Variants in CEP120 observed in about 807,000 individuals in gnomAD.
CEP120 encodes centrosomal protein 120.
Under a neutral mutation model 126.5 loss-of-function variants are expected in CEP120, and 113 were observed. That is an observed-to-expected ratio of 0.89 (90% CI 0.77 to 1.04). The LOEUF is 1.04. Ranked by LOEUF, CEP120 falls within the 50% of genes least tolerant of loss-of-function variation. The pLI, the probability that CEP120 is intolerant of heterozygous loss-of-function variation, is 0.00. For missense variants in CEP120, 1,230 were observed against 1,155.7 expected (o/e 1.06, Z -0.93); for synonymous variants, 400 against 394.3 (o/e 1.01, Z -0.17).
At chr5:123,404,011 A>G (rs943471507) in intron 4 of CEP120, among the ~76,000 whole-genome samples, 3 of 152,216 alleles carry the variant, frequency 2.0e-5, no homozygotes, top group African/African-American at 7.2e-5. Context: ...CATTAATGTA[A>G]TAAGGTTACA....
At chr5:123,404,812 C>T (rs1295599728) in intron 4 of CEP120, among the ~76,000 whole-genome samples, 1 of 152,174 alleles carries the variant, frequency 6.6e-6, no homozygotes, top group Non-Finnish European at 1.5e-5. Flanking sequence ...AGTAGAATAT[C>T]AATTGTATGA....
intron 16 of CEP120, 78 bp from the exon 17 acceptor site, chr5:123,372,850 C>G: frequency 8.4e-7 from 1 of 1,189,454 alleles, no homozygotes; most frequent in South Asian, 1.5e-5. Flanking sequence ...TCAACAAGGT[C>G]TTTTTTTTTA....
Position 123,399,236 on chromosome 5 carries a change from A to G in CEP120, c.512T>C (p.Leu171Pro). Residue 171 changes from leucine to proline, a missense_variant, in exon 5 of 20, where the codon CTG (leucine) becomes CCG (proline). Coordinates refer to ENST00000306467, the MANE Select transcript of CEP120 (RefSeq NM_001375405.1). ...CTGATGGTAGCCTCCCTCTTCATTCAGCACAGCCACAATGTCCCTGGGGTC... is the reference window on the plus strand; with the variant it reads ...CTGATGGTAGCCTCCCTCTTCATTCGGCACAGCCACAATGTCCCTGGGGTC... ...GLDPRDIVAV[L>P]NEEGGYHQIG... The G allele has an allele frequency of 1.9e-6, 3 of 1,614,180 alleles. No individual in the cohort carries two copies. Among genetic ancestry groups the G allele is most frequent in the Non-Finnish European group, 2.5e-6 (3 of 1,179,986 alleles).
chr5:123,396,501 T>C (rs1399309043), intron 5 of CEP120, among the ~76,000 whole-genome samples: 3 of 152,164 alleles, frequency 2.0e-5, no homozygotes, highest in Non-Finnish European at 2.9e-5. Flanking sequence ...CTGTATTATA[T>C]TGGTTTTTAA....
rs1768772593 is a variant in CEP120, at chr5:123,345,786, A to AAAAT, written c.*729_*732dup. 6.6e-6 allele frequency: 1 copy of AAAAT among 152,180 alleles called. No individual in the cohort carries two copies. Among genetic ancestry groups the AAAAT allele is most frequent in the African/African-American group, 2.4e-5 (1 of 41,448 alleles). The allele number at this position is 152,180 out of a possible 1,614,324, so 9.4% of individuals were successfully genotyped here. ...TGACAGCTAGTATTACTATAACTGG[A>AAAAT]AAATAAAAAGAAATCTCTAATTTTA... On this transcript the variant is annotated 3_prime_UTR_variant, in exon 20 of 20. Transcript: ENST00000306467.
At chr5:123,408,255 T>C (rs967610687) in intron 4 of CEP120, among the ~76,000 whole-genome samples, 5 of 151,430 alleles carry the variant, frequency 3.3e-5, no homozygotes, top group African/African-American at 1.2e-4. Flanking sequence ...AAGCAGAAGA[T>C]AATAATAAAA....
chr5:123,372,779 T>C lies in CEP120; in HGVS notation c.2359-7A>G. The C allele has an allele frequency of 6.3e-7, 1 of 1,585,562 alleles. No homozygotes were observed. Among genetic ancestry groups the C allele is most frequent in the Non-Finnish European group, 8.6e-7 (1 of 1,166,862 alleles). ...TATTTTCAGCATCATTAAGCTGTAT[T>C]AAAAAAAGTTTAGCCATTTCAAAAC... On this transcript the variant is annotated splice_polypyrimidine_tract_variant and splice_region_variant and intron_variant, in intron 16 of 19. Coordinates refer to ENST00000306467, the MANE Select transcript of CEP120 (RefSeq NM_001375405.1).
At chr5:123,419,644 A>G (rs971453565) in intron 1 of CEP120, among the ~76,000 whole-genome samples, 3 of 151,978 alleles carry the variant, frequency 2.0e-5, no homozygotes, top group African/African-American at 7.2e-5. Flanking sequence ...AACACTGTAC[A>G]CTATCAGGAA....
chr5:123,402,348 A>G, intron 4 of CEP120: 1 of 1,395,758 alleles, frequency 7.2e-7, no homozygotes, highest in East Asian at 2.3e-5. Context: ...GACATGGTGG[A>G]GGCAGGAGTG....
chr5:123,347,228 T>C (rs560133866), intron 19 of CEP120, among the ~76,000 whole-genome samples: 2 of 152,216 alleles, frequency 1.3e-5, no homozygotes, highest in Non-Finnish European at 2.9e-5. Flanking sequence ...TTCCTCTAAA[T>C]TGTTTTATAA....
chr5:123,413,623 A>T (rs1237027992), intron 3 of CEP120, among the ~76,000 whole-genome samples: 1 of 152,216 alleles, frequency 6.6e-6, no homozygotes, highest in Non-Finnish European at 1.5e-5. Context: ...ATATAAAGAT[A>T]TAGTAGATGG....
At position 123,423,089 on chromosome 5, in the gene CEP120, C is replaced by T; in HGVS notation, c.-91G>A. On this transcript the variant is annotated 5_prime_UTR_variant, in exon 1 of 20. Transcript: ENST00000306467. The stretch of plus-strand genomic sequence containing the variant: ...TAATCCGGGACCCCCGGCGGGACCC[C>T]CACTGCCCGCCCCCGGTCCCTGATG... The T allele has an allele frequency of 9.3e-7, 1 of 1,072,044 alleles. No homozygotes were observed. 66.4% of individuals were successfully genotyped at this position (1,072,044 alleles called of 1,614,324 possible).
intron 18 of CEP120, among the ~76,000 whole-genome samples, chr5:123,359,367 A>T (rs1029040956): frequency 6.6e-6 from 1 of 152,034 alleles, no homozygotes; most frequent in African/African-American, 2.4e-5. Context: ...TGCTTCATTT[A>T]TTTTTTAAAA....
chr5:123,382,719 T>C lies in CEP120; in HGVS notation c.2013+18A>G. On this transcript the variant is annotated intron_variant, in intron 13 of 19. Coordinates refer to ENST00000306467, the MANE Select transcript of CEP120 (RefSeq NM_001375405.1). ...AGCAGACAAAGCAGATTTTTTAAAG[T>C]AACATTTAAAAAGTAACCTGATTTT... 4 of 1,602,010 alleles carry C rather than the reference T, an allele frequency of 2.5e-6. No homozygotes were observed. Among genetic ancestry groups the C allele is most frequent in the Non-Finnish European group, 3.4e-6 (4 of 1,173,136 alleles).
At chr5:123,414,539 TAA>T (rs1006968160) in intron 3 of CEP120, among the ~76,000 whole-genome samples, 9 of 152,292 alleles carry the variant, frequency 5.9e-5, no homozygotes, top group African/African-American at 1.9e-4. Flanking sequence ...GCGTTTTAAA[TAA>T]AAGAGAAGAT....
chr5:123,356,332 C>G (rs2126981839), intron 18 of CEP120, among the ~76,000 whole-genome samples: 1 of 152,154 alleles, frequency 6.6e-6, no homozygotes, highest in Non-Finnish European at 1.5e-5. Flanking sequence ...TCATTGGTAG[C>G]TTGATGGCAA....
At chr5:123,386,244 C>A (rs1772011448) in intron 10 of CEP120, among the ~76,000 whole-genome samples, 2 of 151,924 alleles carry the variant, frequency 1.3e-5, no homozygotes, top group South Asian at 4.2e-4. Context: ...TTTCAAAGGC[C>A]CCTCATTACA....
At position 123,382,219 on chromosome 5, in the gene CEP120, T is replaced by TA; in HGVS notation, c.2014-20dup. 6.4e-7 allele frequency: 1 copy of TA among 1,562,960 alleles called. No individual in the cohort carries two copies. The highest frequency in any genetic ancestry group is 8.7e-7 in the Non-Finnish European group (1 of 1,150,022). On this transcript the variant is annotated intron_variant, in intron 13 of 19. Coordinates refer to ENST00000306467, the MANE Select transcript of CEP120 (RefSeq NM_001375405.1). ...GCTTCAGCTACAAAAGGAAGAAAAA[T>TA]AAAGTCGCCAAAAAACCCCAAATAT...
intron 11 of CEP120, among the ~76,000 whole-genome samples, chr5:123,383,502 T>C (rs569412174): frequency 6.6e-6 from 1 of 152,240 alleles, no homozygotes; most frequent in East Asian, 1.9e-4. Flanking sequence ...TCTCACATCA[T>C]AACATTAATT....
Sources: allele counts gnomAD v4.1 joint callset (sites outside exome capture counted in the v4.1 genomes callset), GRCh38; gene constraint gnomAD v4.1.1; transcripts MANE v1.5; gene names NCBI Gene and HGNC (gene_info 2026-07-23, HGNC 2026-07-21).